TNPO3: variants seen among roughly 807,000 people sequenced by gnomAD.
TNPO3 encodes the protein transportin 3.
A neutral mutation model predicts 122.8 loss-of-function variants in TNPO3; 65 were observed. The ratio of observed to expected loss-of-function variants is 0.53; its 90% CI spans 0.43 to 0.65. The LOEUF is 0.65. TNPO3 is among the 30% of genes least tolerant of loss of function. The pLI, the probability that TNPO3 is intolerant of heterozygous loss-of-function variation, is 0.00. For missense variants in TNPO3, 850 were observed against 1,136.7 expected (o/e 0.75, Z 3.63); for synonymous variants, 372 against 411.2 (o/e 0.90, Z 1.15).
intron 8 of TNPO3, 102 bp downstream of exon 8, chr7:128,997,287 G>A: frequency 7.6e-7 from 1 of 1,321,496 alleles, no homozygotes; most frequent in South Asian, 1.4e-5. Flanking sequence ...CATGAGCCAG[G>A]GTGCCCAGCC....
intron 1 of TNPO3, among the ~76,000 whole-genome samples, chr7:129,037,721 C>T (rs959438258): frequency 1.4e-4 from 22 of 152,210 alleles, no homozygotes; most frequent in African/African-American, 5.3e-4. Context: ...GAGGGGGCAG[C>T]AAAGCATGTC....
chr7:129,015,783 T>C (rs1803778498), intron 3 of TNPO3, among the ~76,000 whole-genome samples: 1 of 152,154 alleles, frequency 6.6e-6, no homozygotes, highest in South Asian at 2.1e-4. Flanking sequence ...CAGTGAACCA[T>C]GATCACACCA....
intron 16 of TNPO3, 30 bp downstream of exon 16, chr7:128,978,953 A>G (rs775376106): frequency 6.2e-7 from 1 of 1,612,496 alleles, no homozygotes; most frequent in Admixed American, 1.7e-5. Flanking sequence ...CTGTACATGG[A>G]ACACGTCCCC....
chr7:128,964,311 G>A (rs1160175531), intron 21 of TNPO3, among the ~76,000 whole-genome samples: 1 of 149,170 alleles, frequency 6.7e-6, no homozygotes, highest in Non-Finnish European at 1.5e-5. Flanking sequence ...AATTTCAAGG[G>A]TCCCCAAGTG....
intron 10 of TNPO3, among the ~76,000 whole-genome samples, chr7:128,990,576 T>C (rs1800644159): frequency 6.6e-6 from 1 of 152,264 alleles, no homozygotes; most frequent in Non-Finnish European, 1.5e-5. Flanking sequence ...AAAAGATTTC[T>C]TATAGCTGGA....
chr7:128,978,957 C>T lies in TNPO3; in HGVS notation c.2061+26G>A, dbSNP rs185942627. On this transcript the variant is annotated intron_variant, in intron 16 of 22. Transcript: ENST00000265388. ...TATTTCAAATTCTGTACATGGAACA[C>T]GTCCCCCCGCAACAGATAACTTTAC... 1,137 of 1,612,008 alleles carry T rather than the reference C, an allele frequency of 7.1e-4. 3 individuals are homozygous for T. In the East Asian group the frequency reaches 0.011, roughly 16 times the overall value.
chr7:128,998,456 G>A (rs754546890), intron 7 of TNPO3, among the ~76,000 whole-genome samples: 107 of 152,316 alleles, frequency 7.0e-4, no homozygotes, highest in Non-Finnish European at 2.9e-4. Context: ...CTGGGCTCAA[G>A]CAATCCTTCC....
chr7:129,028,689 T>C (rs1805555442), intron 1 of TNPO3, among the ~76,000 whole-genome samples: 1 of 152,198 alleles, frequency 6.6e-6, no homozygotes, highest in Non-Finnish European at 1.5e-5. Context: ...AGAGAGGTCC[T>C]GTAGCTCTGG....
intron 13 of TNPO3, among the ~76,000 whole-genome samples, chr7:128,983,050 T>C (rs1172811884): frequency 6.6e-6 from 1 of 152,188 alleles, no homozygotes; most frequent in East Asian, 1.9e-4. Flanking sequence ...AGGTCCCTCC[T>C]GTTGCCATGG....
At chr7:129,022,432 C>A in intron 1 of TNPO3, among the ~76,000 whole-genome samples, 1 of 151,068 alleles carries the variant, frequency 6.6e-6, no homozygotes, top group Non-Finnish European at 1.5e-5. Flanking sequence ...CACTGCACTC[C>A]AGCCTGGGTG....
intron 1 of TNPO3, among the ~76,000 whole-genome samples, chr7:129,045,200 G>A (rs73228760): frequency 0.27 from 40,389 of 152,076 alleles, 6,220 homozygotes; most frequent in Middle Eastern, 0.37. Flanking sequence ...GGATTGGGGC[G>A]GGGAGCAAAT....
chr7:129,033,662 G>A (rs760695892), intron 1 of TNPO3, among the ~76,000 whole-genome samples: 1 of 152,146 alleles, frequency 6.6e-6, no homozygotes, highest in African/African-American at 2.4e-5. Flanking sequence ...GCTCACACCT[G>A]TAATCCCAGC....
Position 128,992,010 on chromosome 7 carries a change from C to T in TNPO3, c.1347G>A (p.Lys449=). 1 of 1,607,234 alleles carries T rather than the reference C, an allele frequency of 6.2e-7. No individual in the cohort carries two copies. The highest frequency in any genetic ancestry group is 8.5e-7 in the Non-Finnish European group (1 of 1,177,080). Residue 449 remains lysine (K), a synonymous_variant, in exon 10 of 23, where the codon AAG becomes AAA. Transcript: ENST00000265388. ...AVLFIMAAIA[K]SVDPENNPTL... is the part of the protein sequence containing the mutation. ...TATGAGACACTCACGGATCAACACT[C>T]TTTGCTATAGCAGCCATGATAAAGA...
At chr7:129,037,559 C>T (rs1165829416) in intron 1 of TNPO3, among the ~76,000 whole-genome samples, 6 of 152,132 alleles carry the variant, frequency 3.9e-5, no homozygotes, top group African/African-American at 1.4e-4. Context: ...ATCACCTTCG[C>T]AGACCAGATA....
chr7:129,036,068 C>T (rs1339120383), intron 1 of TNPO3, among the ~76,000 whole-genome samples: 3 of 151,532 alleles, frequency 2.0e-5, no homozygotes, highest in African/African-American at 7.3e-5. Flanking sequence ...ATTCTCCTGC[C>T]TCAGCCTCCC....
intron 3 of TNPO3, among the ~76,000 whole-genome samples, chr7:129,016,449 A>G (rs896955056): frequency 1.3e-5 from 2 of 152,188 alleles, no homozygotes; most frequent in African/African-American, 2.4e-5. Context: ...ATGACACACT[A>G]TATTGGAGGT....
intron 1 of TNPO3, among the ~76,000 whole-genome samples, chr7:129,022,472 A>G (rs918131483): frequency 6.6e-6 from 1 of 152,052 alleles, no homozygotes; most frequent in Non-Finnish European, 1.5e-5. Context: ...CTTAAAAAAA[A>G]AAAAGAAAAG....
chr7:129,053,001 G>C (rs1808961390), intron 1 of TNPO3, among the ~76,000 whole-genome samples: 1 of 152,114 alleles, frequency 6.6e-6, no homozygotes, highest in Admixed American at 6.6e-5. Flanking sequence ...AAGAGGACTT[G>C]GGTGCCAGTT....
intron 1 of TNPO3, chr7:129,030,267 G>A (rs945512034): frequency 4.0e-6 from 1 of 248,750 alleles, no homozygotes; most frequent in East Asian, 1.1e-4. Flanking sequence ...ACTGTGATCT[G>A]CCCAAAATAT....
Sources: allele counts gnomAD v4.1 joint callset (sites outside exome capture counted in the v4.1 genomes callset), GRCh38; gene constraint gnomAD v4.1.1; transcripts MANE v1.5; gene names NCBI Gene and HGNC (gene_info 2026-07-23, HGNC 2026-07-21).